Variants in GRID1 observed in about 807,000 individuals in gnomAD.
GRID1 encodes the protein glutamate ionotropic receptor delta type subunit 1.
A neutral mutation model predicts 98.0 loss-of-function variants in GRID1; 28 were observed. The ratio of observed to expected loss-of-function variants is 0.29; its 90% CI spans 0.21 to 0.39. The LOEUF is 0.39. GRID1 is among the 10% of genes least tolerant of loss of function. The probability of loss-of-function intolerance (pLI) is 1.00; values close to 1 mark genes in which losing one functional copy is unlikely to be tolerated. For synonymous variants in GRID1, 553 were observed against 538.5 expected (o/e 1.03, Z -0.37); for missense variants, 1,111 against 1,340.5 (o/e 0.83, Z 2.67).
intron 8 of GRID1, among the ~76,000 whole-genome samples, chr10:85,819,261 A>T (rs1842741232): frequency 6.6e-6 from 1 of 152,202 alleles, no homozygotes; most frequent in Admixed American, 6.5e-5. Context: ...GTGGGAAAAA[A>T]TTAAAGGAGA....
At chr10:86,275,793 G>A (rs1157764990) in intron 2 of GRID1, among the ~76,000 whole-genome samples, 1 of 152,118 alleles carries the variant, frequency 6.6e-6, no homozygotes, top group East Asian at 1.9e-4. Context: ...ATACCATCAA[G>A]CAGACTAACA....
At chr10:85,604,721 G>A (rs1014582144) in intron 15 of GRID1, among the ~76,000 whole-genome samples, 3 of 152,216 alleles carry the variant, frequency 2.0e-5, no homozygotes, top group Non-Finnish European at 4.4e-5. Context: ...GGTGGAGCCA[G>A]TTCTGTTCAA....
intron 6 of GRID1, among the ~76,000 whole-genome samples, chr10:85,865,611 T>G (rs911360323): frequency 6.6e-6 from 1 of 152,110 alleles, no homozygotes; most frequent in Non-Finnish European, 1.5e-5. Flanking sequence ...TGACATAATT[T>G]TTTTTTTCCT....
At chr10:85,738,421 C>G (rs138371532) in intron 8 of GRID1, among the ~76,000 whole-genome samples, 1 of 152,290 alleles carries the variant, frequency 6.6e-6, no homozygotes, top group African/African-American at 2.4e-5. Context: ...AAATCTGCAG[C>G]CACATTGGAA....
At chr10:85,944,810 T>C (rs1195294335) in intron 4 of GRID1, among the ~76,000 whole-genome samples, 1 of 140,096 alleles carries the variant, frequency 7.1e-6, no homozygotes, top group African/African-American at 2.5e-5. Context: ...ATGAATGTGA[T>C]TTACTGTAGA....
chr10:85,627,265 A>T (rs1184836514), intron 13 of GRID1, among the ~76,000 whole-genome samples: 4 of 152,230 alleles, frequency 2.6e-5, no homozygotes, highest in Non-Finnish European at 4.4e-5. Context: ...AAGTTGTTTA[A>T]CATCTCTGAG....
intron 2 of GRID1, among the ~76,000 whole-genome samples, chr10:86,240,712 C>A (rs1564716077): frequency 6.6e-6 from 1 of 152,198 alleles, no homozygotes; most frequent in Non-Finnish European, 1.5e-5. Flanking sequence ...CAAGCAGCAG[C>A]TGCACGCAGT....
chr10:86,289,090 G>A lies in GRID1; in HGVS notation c.235+74851C>T, dbSNP rs77588658. Among the ~76,000 whole-genome samples, 655 of 152,316 alleles carry A rather than the reference G, an allele frequency of 4.3e-3. 6 individuals are homozygous for A. Among genetic ancestry groups the A allele is most frequent in the African/African-American group, 0.015 (623 of 41,576 alleles). ...AGTCACTAGAGCTACACACTTGAAAGATGGACTCAGAAGATCCCTGTCACT... is the reference window on the plus strand; with the variant it reads ...AGTCACTAGAGCTACACACTTGAAAAATGGACTCAGAAGATCCCTGTCACT... On this transcript the variant is annotated intron_variant, in intron 2 of 15. Coordinates refer to ENST00000327946, the MANE Select transcript of GRID1 (RefSeq NM_017551.3).
intron 12 of GRID1, chr10:85,647,713 T>C (rs1411803999): frequency 1.1e-5 from 3 of 274,834 alleles, no homozygotes; most frequent in South Asian, 6.6e-5. Flanking sequence ...GAGTTTATAG[T>C]CCAGCTATAG....
At chr10:85,718,221 C>A (rs1195515462) in intron 12 of GRID1, among the ~76,000 whole-genome samples, 2 of 152,226 alleles carry the variant, frequency 1.3e-5, no homozygotes, top group Non-Finnish European at 2.9e-5. Context: ...ACACATTTCC[C>A]TTCCGCATTG....
intron 4 of GRID1, among the ~76,000 whole-genome samples, chr10:86,032,879 T>C (rs1368862041): frequency 6.7e-6 from 1 of 149,380 alleles, no homozygotes; most frequent in Non-Finnish European, 1.5e-5. Context: ...CTAATACCCA[T>C]TCAGTATTCA....
intron 3 of GRID1, among the ~76,000 whole-genome samples, chr10:86,184,470 T>TTTC (rs1845701127): frequency 1.3e-5 from 2 of 150,522 alleles, no homozygotes; most frequent in African/African-American, 4.9e-5. Flanking sequence ...TCTTTTTTTT[T>TTTC]TTTTTTTTGC....
chr10:85,986,371 A>T (rs964815228), intron 4 of GRID1, among the ~76,000 whole-genome samples: 1 of 152,256 alleles, frequency 6.6e-6, no homozygotes, highest in African/African-American at 2.4e-5. Context: ...TGGAGCAGTC[A>T]GTCCAAGAGG....
intron 8 of GRID1, among the ~76,000 whole-genome samples, chr10:85,769,790 C>G (rs1161197106): frequency 6.6e-6 from 1 of 152,224 alleles, no homozygotes; most frequent in East Asian, 1.9e-4. Flanking sequence ...CTGCCATTGC[C>G]CAGGCTTGCT....
At chr10:85,719,387 T>C (rs1428909682) in intron 12 of GRID1, among the ~76,000 whole-genome samples, 1 of 152,214 alleles carries the variant, frequency 6.6e-6, no homozygotes, top group African/African-American at 2.4e-5. Context: ...TGTATTAGTT[T>C]GTTTTCACAC....
At chr10:85,947,013 G>A (rs1205079695) in intron 4 of GRID1, among the ~76,000 whole-genome samples, 1 of 152,128 alleles carries the variant, frequency 6.6e-6, no homozygotes, top group Non-Finnish European at 1.5e-5. Context: ...GAAGAGGCGC[G>A]ACAGTGATGA....
chr10:85,651,393 A>T (rs1306807138), intron 12 of GRID1, among the ~76,000 whole-genome samples: 1 of 152,146 alleles, frequency 6.6e-6, no homozygotes, highest in Non-Finnish European at 1.5e-5. Context: ...GGCTCATGTG[A>T]TTGGAGCCTA....
At chr10:85,971,078 C>A (rs1179357118) in intron 4 of GRID1, among the ~76,000 whole-genome samples, 2 of 151,728 alleles carry the variant, frequency 1.3e-5, no homozygotes, top group South Asian at 2.1e-4. Context: ...GAAACAATTC[C>A]ATTTACAGTA....
intron 10 of GRID1, among the ~76,000 whole-genome samples, chr10:85,727,167 G>A (rs1304972280): frequency 6.6e-6 from 1 of 152,190 alleles, no homozygotes; most frequent in East Asian, 1.9e-4. Flanking sequence ...AGGCGAGGAG[G>A]TCAAAGTATT....
Sources: gnomAD v4.1 joint callset for allele counts (sites outside exome capture counted in the v4.1 genomes callset) on GRCh38, gnomAD v4.1.1 for gene constraint, MANE v1.5 for transcripts, NCBI Gene and HGNC (gene_info 2026-07-23, HGNC 2026-07-21) for gene names.